The following UNC79 variants were observed in gnomAD, a reference collection of about 807,000 sequenced individuals.
The protein encoded by UNC79 is protein unc-79 homolog.
A neutral mutation model predicts 283.1 loss-of-function variants in UNC79; 37 were observed. The observed-to-expected ratio is 0.13, with a 90% CI of 0.10 to 0.17. The LOEUF (loss-of-function observed/expected upper bound fraction) is 0.17. Among genes scored for constraint, UNC79 ranks in the 10% least tolerant of loss-of-function variants. UNC79 has a pLI of 1.00. For synonymous variants in UNC79, 1,107 were observed against 1,200.2 expected (o/e 0.92, Z 1.61); for missense variants, 2,272 against 3,211.1 (o/e 0.71, Z 7.07).
chr14:93,502,635 A>G (rs993139497), intron 7 of UNC79, among the ~76,000 whole-genome samples: 1 of 152,216 alleles, frequency 6.6e-6, no homozygotes. Context: ...CCAACTAGAA[A>G]ATAATTTAGC....
chr14:93,650,850 C>T (rs776663885), intron 35 of UNC79, among the ~76,000 whole-genome samples: 6 of 151,982 alleles, frequency 3.9e-5, no homozygotes, highest in Non-Finnish European at 7.4e-5. Context: ...TCTAAGAAAC[C>T]TTTGTTTACT....
intron 37 of UNC79, among the ~76,000 whole-genome samples, chr14:93,654,243 C>A (rs2070656630): frequency 1.3e-5 from 2 of 152,128 alleles, no homozygotes; most frequent in South Asian, 4.1e-4. Flanking sequence ...ATAATCCCAG[C>A]ACTTTGGGAG....
intron 1 of UNC79, among the ~76,000 whole-genome samples, chr14:93,408,082 G>A (rs1349237203): frequency 1.3e-5 from 2 of 152,130 alleles, no homozygotes; most frequent in Non-Finnish European, 2.9e-5. Flanking sequence ...ATAATTAATG[G>A]CAAGAAAAAA....
chr14:93,522,470 A>G (rs2060365906), intron 7 of UNC79, among the ~76,000 whole-genome samples: 1 of 152,096 alleles, frequency 6.6e-6, no homozygotes, highest in South Asian at 2.1e-4. Context: ...TGAGTTTGGG[A>G]TCAGAAGAAT....
chr14:93,472,760 TTAAC>T (rs1488862964), intron 2 of UNC79, among the ~76,000 whole-genome samples: 1 of 152,112 alleles, frequency 6.6e-6, no homozygotes, highest in African/African-American at 2.4e-5. Flanking sequence ...TGTAATATCA[TTAAC>T]TAAGAACTTA....
chr14:93,494,687 G>C (rs1372880142), intron 5 of UNC79, among the ~76,000 whole-genome samples: 1 of 152,132 alleles, frequency 6.6e-6, no homozygotes, highest in Admixed American at 6.5e-5. Flanking sequence ...AAAGAAATGT[G>C]GAGTGGTTCT....
intron 1 of UNC79, among the ~76,000 whole-genome samples, chr14:93,348,990 C>T (rs1341193741): frequency 6.6e-6 from 1 of 152,244 alleles, no homozygotes; most frequent in African/African-American, 2.4e-5. Context: ...ATAAATCTTG[C>T]TGCTGCTCAC....
chr14:93,636,720 C>T (rs1196636134), intron 31 of UNC79, among the ~76,000 whole-genome samples: 1 of 152,134 alleles, frequency 6.6e-6, no homozygotes, highest in Non-Finnish European at 1.5e-5. Context: ...TTTGAAGCAC[C>T]ATGCCTCCAT....
At chr14:93,706,740 A>G (rs775364205) in exon 49 of UNC79, 8 of 1,614,126 alleles carry the variant, frequency 5.0e-6, no homozygotes, top group Non-Finnish European at 5.9e-6. Flanking sequence ...CCTCCAGGCT[A>G]TTCAGAACCA....
intron 16 of UNC79, 69 bp downstream of exon 16, chr14:93,572,885 C>T (rs980554879): frequency 2.8e-5 from 44 of 1,569,030 alleles, no homozygotes; most frequent in Admixed American, 5.6e-5. Flanking sequence ...ATCCCTGGAT[C>T]GAGAGAGTGG....
chr14:93,583,048 G>A (rs984062665), intron 20 of UNC79, among the ~76,000 whole-genome samples: 13 of 151,814 alleles, frequency 8.6e-5, no homozygotes, highest in African/African-American at 2.7e-4. Flanking sequence ...CTGGTCAGGC[G>A]CGGTGGCTCA....
intron 33 of UNC79, among the ~76,000 whole-genome samples, chr14:93,642,555 C>T (rs1163077940): frequency 2.0e-5 from 3 of 152,110 alleles, no homozygotes; most frequent in African/African-American, 7.2e-5. Flanking sequence ...GTGCCTGTCT[C>T]ATGCAGCTGC....
chr14:93,496,901 C>A (rs1249256123), intron 6 of UNC79, among the ~76,000 whole-genome samples: 2 of 152,104 alleles, frequency 1.3e-5, no homozygotes, highest in Non-Finnish European at 2.9e-5. Context: ...GATTAGAGAT[C>A]AATTTGTTAG....
At position 93,474,353 on chromosome 14, in the gene UNC79, C is replaced by A; in HGVS notation, c.408C>A (p.Thr136=). 1.3e-6 allele frequency: 2 copies of A among 1,535,960 alleles called. No homozygotes were observed. Among genetic ancestry groups the A allele is most frequent in the African/African-American group, 2.7e-5 (2 of 73,136 alleles). ...AAGGCCTCTACGTGACTTTGGTGAC[C>A]CTCCTGGATCTAGTTCCTTTACTAC... is the stretch of plus-strand genomic sequence containing the variant. The change falls in exon 3 of 49, where the codon ACC becomes ACA. Residue 136 remains threonine, a synonymous_variant. Transcript: ENST00000555664. The surrounding 1 kb of genome is among the most constrained non-coding windows in gnomAD (Gnocchi z 4.1).
At chr14:93,470,807 C>A (rs1288244841) in intron 2 of UNC79, among the ~76,000 whole-genome samples, 1 of 152,180 alleles carries the variant, frequency 6.6e-6, no homozygotes, top group African/African-American at 2.4e-5. Context: ...CCAAGACCAT[C>A]CAGTTTAATC....
chr14:93,439,405 G>C (rs2056211608), intron 1 of UNC79, among the ~76,000 whole-genome samples: 3 of 151,708 alleles, frequency 2.0e-5, no homozygotes, highest in Admixed American at 2.0e-4. Flanking sequence ...AACCGAAATG[G>C]GTGTTGAGTC....
At chr14:93,516,960 AT>A (rs1167776146) in intron 7 of UNC79, among the ~76,000 whole-genome samples, 1 of 151,930 alleles carries the variant, frequency 6.6e-6, no homozygotes, top group Non-Finnish European at 1.5e-5. Context: ...TTATGATTTT[AT>A]ATGCTATTAT....
At chr14:93,452,960 G>T (rs761397566) in intron 1 of UNC79, among the ~76,000 whole-genome samples, 2 of 152,190 alleles carry the variant, frequency 1.3e-5, no homozygotes, top group Non-Finnish European at 2.9e-5. Context: ...ATTTTGCTGT[G>T]TGATGGACTG....
chr14:93,526,597 CA>C (rs1048972072), intron 8 of UNC79, among the ~76,000 whole-genome samples: 2 of 151,686 alleles, frequency 1.3e-5, no homozygotes, highest in African/African-American at 2.4e-5. Context: ...TATTTATAAA[CA>C]AAAAAATCCA....
Sources: gnomAD v4.1 joint callset for allele counts (sites outside exome capture counted in the v4.1 genomes callset) on GRCh38, gnomAD v4.1.1 for gene constraint, Gnocchi (gnomAD v3.1) non-coding constraint, MANE v1.5 for transcripts, NCBI Gene and HGNC (gene_info 2026-07-23, HGNC 2026-07-21) for gene names.